Variants in DSN1 observed in about 807,000 individuals in gnomAD.
DSN1 encodes the protein kinetochore-associated protein DSN1 homolog.
DSN1 carries 31 observed loss-of-function variants against 45.7 expected under a neutral mutation model. The ratio of observed to expected loss-of-function variants is 0.68; its 90% confidence interval spans 0.51 to 0.92. The LOEUF (loss-of-function observed/expected upper bound fraction) is 0.92, where lower values mean the gene tolerates loss of function less well. Ranked by LOEUF, DSN1 falls within the 40% of genes least tolerant of loss-of-function variation. The probability of loss-of-function intolerance (pLI) is 0.00; values close to 1 mark genes in which losing one functional copy is unlikely to be tolerated. For synonymous variants in DSN1, 134 were observed against 142.3 expected, an observed-to-expected ratio of 0.94 and a Z score of 0.41; for missense variants, 394 against 414.2, an observed-to-expected ratio of 0.95 and a Z score of 0.42.
intron 5 of DSN1, among the ~76,000 whole-genome samples, chr20:36,763,410 GAAA>G (rs71186016): frequency 6.8e-4 from 57 of 84,104 alleles, no homozygotes; most frequent in African/African-American, 2.6e-3. Context: ...CTCAAAAAAA[GAAA>G]AAAAAAAAAA....
Position 36,752,815 on chromosome 20 carries a change from ATG to A in DSN1, c.1042_1043del (p.His348TrpfsTer12). 1 of 1,614,200 alleles carries A rather than the reference ATG, an allele frequency of 6.2e-7. No homozygotes were observed. On this transcript the variant is annotated frameshift_variant, in exon 11 of 11. Coordinates refer to ENST00000373750, the MANE Select transcript of DSN1 (RefSeq NM_001145315.2). LOFTEE classifies it high-confidence loss of function. Reference sequence around the variant, plus strand: ...ACTGACAAGATCCAGATCCAGATCCATGTATGGCAGGTGGGTTCTGTAGCTGA... The same window carrying A: ...ACTGACAAGATCCAGATCCAGATCCATATGGCAGGTGGGTTCTGTAGCTGA... Reference protein sequence around the residue: ...KLQLQNPPAIHGSGSGSCQ With the variant: ...KLQLQNPPAIXGSGSGSCQ
At chr20:36,762,905 C>A (rs1020880454) in intron 5 of DSN1, among the ~76,000 whole-genome samples, 5 of 152,114 alleles carry the variant, frequency 3.3e-5, no homozygotes, top group Non-Finnish European at 7.3e-5. Flanking sequence ...TAGGCAGCAC[C>A]ACCATGCCCA....
In DSN1 at chr20:36,773,709, T is replaced by C. The variant is rs372741655; in HGVS notation, c.-63A>G. On this transcript the variant is annotated 5_prime_UTR_variant, in exon 1 of 11. Coordinates refer to ENST00000373750, the MANE Select transcript of DSN1 (RefSeq NM_001145315.2). ...GCTCTCCACAGCCCCAGGTCACTCC[T>C]GGACGCCTTGCGCACCCGCAGCCGA... 3.2e-4 allele frequency: 317 copies of C among 985,566 alleles called. 6 individuals carry two copies. In the South Asian group the frequency reaches 0.013, roughly 39 times the overall value. The allele number at this position is 985,566 out of a possible 1,614,324, so 61.1% of individuals were successfully genotyped here.
chr20:36,763,647 G>C (rs568295003), intron 5 of DSN1, among the ~76,000 whole-genome samples: 19 of 151,726 alleles, frequency 1.3e-4, no homozygotes, highest in Non-Finnish European at 2.7e-4. Flanking sequence ...CCAGCACTTT[G>C]GGAGGCCAAG....
At chr20:36,765,846 T>TAA (rs72491027) in intron 5 of DSN1, among the ~76,000 whole-genome samples, 17 of 69,470 alleles carry the variant, frequency 2.4e-4, no homozygotes, top group South Asian at 4.7e-4. Flanking sequence ...AGCAAAAGAC[T>TAA]AAAAAAAAAA....
At chr20:36,772,236 A>T (rs1393718210) in intron 1 of DSN1, among the ~76,000 whole-genome samples, 1 of 151,360 alleles carries the variant, frequency 6.6e-6, no homozygotes, top group East Asian at 2.0e-4. Context: ...CACTATCTTA[A>T]TAGTCTCTCC....
chr20:36,758,526 G>A (rs768285719), intron 7 of DSN1, 32 bp downstream of exon 7: 12 of 1,575,970 alleles, frequency 7.6e-6, no homozygotes, highest in East Asian at 6.8e-5. Flanking sequence ...ATGGGAGAAC[G>A]AATTTAGATT....
intron 1 of DSN1, 55 bp downstream of exon 1, chr20:36,773,607 A>T: frequency 8.1e-6 from 8 of 985,720 alleles, no homozygotes; most frequent in Non-Finnish European, 9.6e-6. Context: ...GCGGGGCCAC[A>T]TCAGAGGACA....
At chr20:36,758,223 G>A (rs1280654108) in intron 7 of DSN1, 62 bp from the exon 8 acceptor site, 49 of 1,419,680 alleles carry the variant, frequency 3.5e-5, no homozygotes, top group Non-Finnish European at 4.5e-5. Context: ...ATCACTCACA[G>A]TAACAATAAG....
At chr20:36,773,204 C>G (rs1987741017) in intron 1 of DSN1, among the ~76,000 whole-genome samples, 1 of 152,210 alleles carries the variant, frequency 6.6e-6, no homozygotes, top group Non-Finnish European at 1.5e-5. Context: ...AGGACCTGTG[C>G]TATGTAAGCG....
chr20:36,753,144 G>C (rs1246571404), intron 10 of DSN1, among the ~76,000 whole-genome samples: 2 of 147,472 alleles, frequency 1.4e-5, no homozygotes, highest in African/African-American at 2.5e-5. Context: ...AGGAGTTTGA[G>C]ACTAGCCTGG....
rs755656856 is a variant in DSN1 at position 36,752,743 on chromosome 20, C to G, written c.*45G>C. On this transcript the variant is annotated 3_prime_UTR_variant, in exon 11 of 11. Coordinates refer to ENST00000373750, the MANE Select transcript of DSN1 (RefSeq NM_001145315.2). ...TCACCACGTGCTGGGGCACTCTTCCCATTCCTCTCCTCTTGGGCACCTTGT... is the reference window on the plus strand; with the variant it reads ...TCACCACGTGCTGGGGCACTCTTCCGATTCCTCTCCTCTTGGGCACCTTGT... The G allele has an allele frequency of 6.5e-7, 1 of 1,529,888 alleles. No homozygotes were observed. 94.8% of individuals were successfully genotyped at this position (1,529,888 alleles called of 1,614,324 possible). A position where few individuals can be genotyped will look rare whatever the true frequency, so the allele number is the denominator to read the frequency against.
chr20:36,761,974 A>C (rs930309500), intron 6 of DSN1, among the ~76,000 whole-genome samples: 1 of 151,964 alleles, frequency 6.6e-6, no homozygotes, highest in Non-Finnish European at 1.5e-5. Flanking sequence ...GCACCATTGC[A>C]CTCCAGCCTG....
Position 36,768,136 on chromosome 20 carries a change from A to C in DSN1, c.356-94T>G. On this transcript the variant is annotated intron_variant, in intron 3 of 10. Coordinates refer to ENST00000373750, the MANE Select transcript of DSN1 (RefSeq NM_001145315.2). Reference sequence around the variant, plus strand: ...AATGTCCTCCCTCTTGATAAATCCAACTTAAGGCAAGAACAGCCTTCTTTA... The same window carrying C: ...AATGTCCTCCCTCTTGATAAATCCACCTTAAGGCAAGAACAGCCTTCTTTA... 3 of 1,216,758 alleles carry C rather than the reference A, an allele frequency of 2.5e-6. No homozygotes were observed. In the Admixed American group the frequency reaches 6.0e-5, roughly 24 times the overall value. The allele number at this position is 1,216,758 out of a possible 1,614,324, so 75.4% of individuals were successfully genotyped here.
chr20:36,768,768 T>G (rs747862846), intron 3 of DSN1, among the ~76,000 whole-genome samples: 3 of 152,156 alleles, frequency 2.0e-5, no homozygotes, highest in Non-Finnish European at 2.9e-5. Context: ...TAAAGTTCCA[T>G]TTTACAAATG....
At chr20:36,773,455 G>C (rs1987755395) in intron 1 of DSN1, 1 of 985,476 alleles carries the variant, frequency 1.0e-6, no homozygotes, top group Non-Finnish European at 1.2e-6. Flanking sequence ...GTCGGTAAGG[G>C]GGACTGCCCT....
In DSN1 at chr20:36,752,906, A is replaced by G. The variant is rs963377946; in HGVS notation, c.962-9T>C. 1.3e-6 allele frequency: 2 copies of G among 1,597,658 alleles called. No homozygotes were observed. The highest frequency in any genetic ancestry group is 2.7e-5 in the African/African-American group (2 of 74,452). ...TTGCATGCTTCTCTTTCCTGCAGAG[A>G]AAAGAGGCCAAAAAATAAATTTCAA... On this transcript the variant is annotated splice_polypyrimidine_tract_variant and intron_variant, in intron 10 of 10. Transcript: ENST00000373750.
At chr20:36,769,944 GAGAGAGAGAC>G (rs1987550786) in intron 3 of DSN1, among the ~76,000 whole-genome samples, 1 of 128,294 alleles carries the variant, frequency 7.8e-6, no homozygotes, top group Admixed American at 8.1e-5. Context: ...CACACACAGA[GAGAGAGAGAC>G]AGAGAGAGAA....
At chr20:36,758,273 C>G (rs1419273674) in intron 7 of DSN1, 112 bp from the exon 8 acceptor site, 1 of 1,011,852 alleles carries the variant, frequency 9.9e-7, no homozygotes, top group Non-Finnish European at 1.5e-6. Flanking sequence ...TGTGAGTTGA[C>G]AGGTCATTAC....
Sources: gnomAD v4.1 joint callset for allele counts (sites outside exome capture counted in the v4.1 genomes callset) on GRCh38, gnomAD v4.1.1 for gene constraint, MANE v1.5 for transcripts, NCBI Gene and HGNC (gene_info 2026-07-23, HGNC 2026-07-21) for gene names.